The following TANGO6 variants were observed in gnomAD, a reference collection of about 807,000 sequenced individuals.
TANGO6 encodes transport and golgi organization 6 homolog, also known as transport and Golgi organization protein 6 homolog.
Under a neutral mutation model 114.2 loss-of-function variants are expected in TANGO6, and 90 were observed. The ratio of observed to expected loss-of-function variants is 0.79; its 90% CI spans 0.66 to 0.94. TANGO6 has a LOEUF of 0.94. Ranked by LOEUF, TANGO6 falls within the 40% of genes least tolerant of loss-of-function variation. TANGO6 has a pLI of 0.00. For synonymous variants in TANGO6, 477 were observed against 509.8 expected (o/e 0.94, Z 0.87); for missense variants, 1,274 against 1,315.3 (o/e 0.97, Z 0.49).
Position 68,983,568 on chromosome 16 carries a change from A to G in TANGO6, c.2842+9400A>G, listed in dbSNP as rs767154277. Among the ~76,000 whole-genome samples, 31 of 152,174 alleles carry G rather than the reference A, an allele frequency of 2.0e-4. 1 individual carries two copies. The highest frequency in any genetic ancestry group is 1.8e-4 in the Non-Finnish European group (12 of 68,032). ...CTCATAGACAAATTGCATTGGTAAG[A>G]AGCCCGGCCCATGGAGGGAGAGGCC... On this transcript the variant is annotated intron_variant, in intron 15 of 17. Coordinates refer to ENST00000261778, the MANE Select transcript of TANGO6 (RefSeq NM_024562.2).
In TANGO6 at chr16:68,927,938, G is replaced by A. The variant is rs771703262; in HGVS notation, c.2498G>A (p.Ser833Asn). The A allele has an allele frequency of 6.8e-6, 11 of 1,613,792 alleles. No individual in the cohort carries two copies. Among genetic ancestry groups the A allele is most frequent in the South Asian group, 1.1e-5 (1 of 91,058 alleles). ...ACTACTACAAGTCAGAAATCTGGAA[G>A]CGTAACCACAGAACAGCTCCAAGAG... ...PSTTTSQKSG[S>N]VTTEQLQEVL... The change falls in exon 13 of 18, where the codon AGC becomes AAC. Residue 833 changes from serine to asparagine, a missense_variant. Physicochemically the swap from Ser to Asn is conservative, Grantham distance 46 (BLOSUM62 1). Coordinates refer to ENST00000261778, the MANE Select transcript of TANGO6 (RefSeq NM_024562.2).
At chr16:69,020,904 A>ATGTATGTGTGTG (rs1555528347) in intron 15 of TANGO6, among the ~76,000 whole-genome samples, 1 of 87,284 alleles carries the variant, frequency 1.1e-5, no homozygotes, top group African/African-American at 2.9e-5. Context: ...ATATGTATGT[A>ATGTATGTGTGTG]TGTGTGTGTG....
intron 13 of TANGO6, among the ~76,000 whole-genome samples, chr16:68,928,975 G>A (rs1416120247): frequency 6.6e-6 from 1 of 152,108 alleles, no homozygotes; most frequent in African/African-American, 2.4e-5. Context: ...CTGGAGTGCA[G>A]TGGTGCGATC....
At chr16:68,990,152 CCTCT>C (rs1963934703) in intron 15 of TANGO6, among the ~76,000 whole-genome samples, 1 of 152,136 alleles carries the variant, frequency 6.6e-6, no homozygotes, top group East Asian at 1.9e-4. Flanking sequence ...CCCACCTCAG[CCTCT>C]TGAGTAGCTG....
At chr16:68,885,535 A>G (rs1246496681) in intron 7 of TANGO6, 4 of 152,214 alleles carry the variant, frequency 2.6e-5, no homozygotes, top group Non-Finnish European at 2.9e-5. Context: ...TTTCATATCA[A>G]TGGAATCATA....
intron 14 of TANGO6, among the ~76,000 whole-genome samples, chr16:68,958,232 C>T (rs1419494005): frequency 6.6e-6 from 1 of 151,074 alleles, no homozygotes; most frequent in African/African-American, 2.4e-5. Flanking sequence ...GTCACTCGCG[C>T]CTGTAATCCC....
chr16:68,856,906 G>A (rs1312822053), intron 1 of TANGO6, among the ~76,000 whole-genome samples: 2 of 152,072 alleles, frequency 1.3e-5, no homozygotes, highest in East Asian at 1.9e-4. Context: ...TCAGGAGATC[G>A]AGACCGTCCT....
chr16:68,915,051 C>CT (rs1363031658), intron 11 of TANGO6, among the ~76,000 whole-genome samples: 1 of 150,350 alleles, frequency 6.7e-6, no homozygotes, highest in Non-Finnish European at 1.5e-5. Context: ...TATCCCAGCA[C>CT]TTTGGGAGGC....
At chr16:69,057,490 C>T (rs753493035) in intron 17 of TANGO6, among the ~76,000 whole-genome samples, 1 of 152,072 alleles carries the variant, frequency 6.6e-6, no homozygotes, top group Non-Finnish European at 1.5e-5. Flanking sequence ...GAGACTAAGA[C>T]GAAGAAGCTA....
chr16:69,075,442 G>A (rs925823305), intron 17 of TANGO6, among the ~76,000 whole-genome samples: 1 of 150,766 alleles, frequency 6.6e-6, no homozygotes, highest in East Asian at 2.0e-4. Context: ...TACACAACAC[G>A]AATTCAACTT....
At chr16:68,997,433 C>G (rs965764094) in intron 15 of TANGO6, among the ~76,000 whole-genome samples, 8 of 152,172 alleles carry the variant, frequency 5.3e-5, no homozygotes, top group Non-Finnish European at 1.2e-4. Flanking sequence ...GGATTCCTCT[C>G]CTTTTTAGAC....
intron 15 of TANGO6, among the ~76,000 whole-genome samples, chr16:68,985,092 C>A (rs1396789154): frequency 2.0e-5 from 3 of 151,788 alleles, no homozygotes; most frequent in Non-Finnish European, 4.4e-5. Flanking sequence ...AGGCTGGACT[C>A]CAACACCTGG....
chr16:69,023,395 G>T (rs930471185), intron 16 of TANGO6, among the ~76,000 whole-genome samples: 6 of 152,102 alleles, frequency 3.9e-5, no homozygotes, highest in African/African-American at 1.4e-4. Flanking sequence ...GGCATAGGTT[G>T]CAGTAAGCCA....
chr16:69,012,496 C>T (rs1964150787), intron 15 of TANGO6, among the ~76,000 whole-genome samples: 2 of 130,500 alleles, frequency 1.5e-5, no homozygotes, highest in South Asian at 2.3e-4. Flanking sequence ...GTGGAGGTTG[C>T]AGGAAGCCAA....
At chr16:69,058,375 T>C (rs896855330) in intron 17 of TANGO6, among the ~76,000 whole-genome samples, 5 of 152,236 alleles carry the variant, frequency 3.3e-5, no homozygotes, top group African/African-American at 1.2e-4. Flanking sequence ...GAGTGCTAAA[T>C]TCTTTACATT....
intron 7 of TANGO6, among the ~76,000 whole-genome samples, chr16:68,882,292 T>G (rs911207784): frequency 1.3e-5 from 2 of 150,898 alleles, no homozygotes; most frequent in East Asian, 2.0e-4. Context: ...GTCAGGAGAT[T>G]GAGACCATCC....
intron 15 of TANGO6, among the ~76,000 whole-genome samples, chr16:68,989,198 C>T (rs917818824): frequency 3.9e-5 from 6 of 152,020 alleles, no homozygotes; most frequent in African/African-American, 1.2e-4. Context: ...CTTAATAGCT[C>T]TACTTCTGTT....
intron 14 of TANGO6, chr16:68,973,144 GT>G (rs745314793): frequency 2.2e-6 from 1 of 456,048 alleles, no homozygotes; most frequent in Non-Finnish European, 4.4e-6. Context: ...GATGAAAAAG[GT>G]AGAAGCAGGG....
chr16:68,996,209 C>T (rs763852200), intron 15 of TANGO6, among the ~76,000 whole-genome samples: 10 of 152,080 alleles, frequency 6.6e-5, no homozygotes, highest in South Asian at 2.1e-4. Flanking sequence ...AATTTACCTA[C>T]GAATTTTTTA....
Sources: allele counts gnomAD v4.1 joint callset (sites outside exome capture counted in the v4.1 genomes callset), GRCh38; gene constraint gnomAD v4.1.1; transcripts MANE v1.5; gene names NCBI Gene and HGNC (gene_info 2026-07-23, HGNC 2026-07-21).